L1CAM: variants seen among roughly 807,000 people sequenced by gnomAD.
L1CAM encodes the protein neural cell adhesion molecule L1.
Under a neutral mutation model 93.0 loss-of-function variants are expected in L1CAM, and 8 were observed. That is an observed-to-expected ratio of 0.09 (90% CI 0.05 to 0.16). L1CAM has a LOEUF of 0.16. Among genes scored for constraint, L1CAM ranks in the 10% least tolerant of loss-of-function variants. The probability of loss-of-function intolerance (pLI) is 1.00; values close to 1 mark genes in which losing one functional copy is unlikely to be tolerated. For synonymous variants in L1CAM, 453 were observed against 453.0 expected (o/e 1.00, Z 0.00); for missense variants, 777 against 1,073.4 (o/e 0.72, Z 3.86).
At chrX:153,864,277 C>T in intron 25 of L1CAM, 45 bp downstream of exon 25, 1 of 1,190,562 alleles carries the variant, frequency 8.4e-7, no homozygotes, top group Non-Finnish European at 1.1e-6. Flanking sequence ...ATTGTGCAGC[C>T]CCCATGCTTC....
At position 153,876,872 on chromosome X, in the gene L1CAM, G is replaced by A. The variant is rs144291433; in HGVS notation, c.-108-928C>T. ...AAAAAAATTAGCCTTGGTGGTGGGC[G>A]CCTGTAATGCCAGCTACTTGGGAGG... On this transcript the variant is annotated intron_variant, in intron 1 of 28. Transcript: ENST00000370060. 9.9e-5 allele frequency among the ~76,000 whole-genome samples: 11 copies of A among 110,887 alleles called. No individual in the cohort carries two copies. The East Asian group carries it at 2.6e-3, about 26-fold the overall frequency.
At chrX:153,885,760 GC>G in intron 1 of L1CAM, 1 of 748,065 alleles carries the variant, frequency 1.3e-6, no homozygotes, top group Non-Finnish European at 1.7e-6. Context: ...GCCCCCGCCT[GC>G]CCACACAGAC....
chrX:153,862,403 T>G lies in L1CAM; in HGVS notation c.*260A>C. On this transcript the variant is annotated 3_prime_UTR_variant, in exon 29 of 29. Transcript: ENST00000370060. Reference sequence around the variant, plus strand: ...ACTTCTTCTCCCCCAAACCACAGCCTCTCTGCCCAAATGGGCTGGCAAAAC... The same window carrying G: ...ACTTCTTCTCCCCCAAACCACAGCCGCTCTGCCCAAATGGGCTGGCAAAAC... 1 of 357,326 alleles carries G rather than the reference T, an allele frequency of 2.8e-6. No homozygotes were observed. 29.4% of individuals were successfully genotyped at this position (357,326 alleles called of 1,213,427 possible).
chrX:153,872,461 G>C, intron 4 of L1CAM, 107 bp from the exon 5 acceptor site: 1 of 952,045 alleles, frequency 1.1e-6, no homozygotes, highest in Non-Finnish European at 1.5e-6. Flanking sequence ...GGGATGGACT[G>C]GGAGATGGCG....
In L1CAM at chrX:153,885,620, A is replaced by G. The variant is rs782538671; in HGVS notation, c.-109+445T>C. Reference sequence around the variant, plus strand: ...TCAGCCGGGATTTTCAACCAAACTGAGCTCTCGGCTGGGGATGAGGGGCAG... The same window carrying G: ...TCAGCCGGGATTTTCAACCAAACTGGGCTCTCGGCTGGGGATGAGGGGCAG... On this transcript the variant is annotated intron_variant, in intron 1 of 28. Transcript: ENST00000370060. Among the ~76,000 whole-genome samples, 269 of 111,061 alleles carry G rather than the reference A, an allele frequency of 2.4e-3. 1 individual carries two copies. Among genetic ancestry groups the G allele is most frequent in the African/African-American group, 8.4e-3 (257 of 30,554 alleles).
At chrX:153,871,024 G>A (rs782464042) in intron 6 of L1CAM, 33 bp downstream of exon 6, 12 of 1,208,841 alleles carry the variant, frequency 9.9e-6, no homozygotes, top group South Asian at 5.3e-5. Context: ...CTAACACCCC[G>A]ACCCCACGAG....
In L1CAM at chrX:153,871,186, G is replaced by C. The variant is rs1424993007; in HGVS notation, c.401-7C>G. Reference sequence around the variant, plus strand: ...TTTGGCCACTTGGGGGCACCTAGAAGGGACAGACGGGCTGACACTCTCCTC... The same window carrying C: ...TTTGGCCACTTGGGGGCACCTAGAACGGACAGACGGGCTGACACTCTCCTC... On this transcript the variant is annotated splice_polypyrimidine_tract_variant and splice_region_variant and intron_variant, in intron 5 of 28. Coordinates refer to ENST00000370060, the MANE Select transcript of L1CAM (RefSeq NM_001278116.2). The C allele has an allele frequency of 4.1e-6, 5 of 1,205,626 alleles. No individual in the cohort carries two copies. Among genetic ancestry groups the C allele is most frequent in the African/African-American group, 1.8e-5 (1 of 56,340 alleles).
chrX:153,876,084 C>T (rs1259488194), intron 1 of L1CAM, 140 bp from the exon 2 acceptor site: 3 of 445,911 alleles, frequency 6.7e-6, no homozygotes, highest in Non-Finnish European at 1.2e-5. Flanking sequence ...CTTCTCCAGC[C>T]CTCCCCTCCC....
In L1CAM at chrX:153,865,280, C is replaced by A; in HGVS notation, c.2749+19G>T. 3 of 1,209,540 alleles carry A rather than the reference C, an allele frequency of 2.5e-6. No homozygotes were observed. The highest frequency in any genetic ancestry group is 3.4e-6 in the Non-Finnish European group (3 of 894,799). The stretch of plus-strand genomic sequence containing the variant: ...CTGGGGAGGAGGGCAGGGGATGAGG[C>A]GTGGGGTGCAGGACTCACCTCCCTC... On this transcript the variant is annotated intron_variant, in intron 21 of 28. Coordinates refer to ENST00000370060, the MANE Select transcript of L1CAM (RefSeq NM_001278116.2).
At chrX:153,884,384 CT>C in intron 1 of L1CAM, 1 of 461,248 alleles carries the variant, frequency 2.2e-6, no homozygotes, top group Non-Finnish European at 3.2e-6. Context: ...GGGGAGGAGC[CT>C]TTTAGGAGCG....
At chrX:153,877,726 C>T (rs1557094977) in intron 1 of L1CAM, among the ~76,000 whole-genome samples, 1 of 112,435 alleles carries the variant, frequency 8.9e-6, no homozygotes, top group Non-Finnish European at 1.9e-5. Context: ...GCTCCTCAGC[C>T]CCCTGGGGGT....
In L1CAM at chrX:153,862,855, C is replaced by A; in HGVS notation, c.3582G>T (p.Ser1194=). 10 of 1,212,072 alleles carry A rather than the reference C, an allele frequency of 8.3e-6. No homozygotes were observed. The highest frequency in any genetic ancestry group is 8.9e-6 in the Non-Finnish European group (8 of 895,421). The change falls in exon 29 of 29, where the codon TCG becomes TCT. Residue 1194 remains serine (S), a synonymous_variant. Transcript: ENST00000370060. ...EEKAFGSSQP[S]LNGDIKPLGS... is the part of the protein sequence containing the mutation. The stretch of plus-strand genomic sequence containing the variant: ...CCAGGGGCTTGATGTCCCCGTTGAG[C>A]GATGGCTGGCTGCTGCCAAAGGCCT...
chrX:153,879,621 G>A (rs1298820338), intron 1 of L1CAM, among the ~76,000 whole-genome samples: 3 of 112,289 alleles, frequency 2.7e-5, no homozygotes, highest in South Asian at 3.7e-4. Context: ...AGCTGGGGCC[G>A]GAGGGGCCTA....
Position 153,862,505 on chromosome X carries a change from G to T in L1CAM, c.*158C>A. ...CAGCGTGTGCCCAGGAAGGGGTGCAGCTGGGTTTTGGCAATAAAGTGGGGA... is the reference window on the plus strand; with the variant it reads ...CAGCGTGTGCCCAGGAAGGGGTGCATCTGGGTTTTGGCAATAAAGTGGGGA... On this transcript the variant is annotated 3_prime_UTR_variant, in exon 29 of 29. Transcript: ENST00000370060. The T allele has an allele frequency of 2.2e-6, 1 of 448,464 alleles. No homozygotes were observed. The highest frequency in any genetic ancestry group is 4.0e-5 in the Admixed American group (1 of 25,211). 37.0% of individuals were successfully genotyped at this position (448,464 alleles called of 1,213,427 possible).
intron 9 of L1CAM, 43 bp from the exon 10 acceptor site, chrX:153,869,977 C>T (rs201741850): frequency 3.0e-5 from 36 of 1,208,479 alleles, no homozygotes; most frequent in Non-Finnish European, 4.0e-5. Context: ...CAGCCAGCAG[C>T]TGGCTCTTGA....
rs782343394 is a variant in L1CAM, at chrX:153,870,610, C to T, written c.695-111G>A. The T allele has an allele frequency of 3.7e-5, 29 of 792,123 alleles. No homozygotes were observed. The African/African-American group carries it at 5.8e-4, about 16-fold the overall frequency. The allele number at this position is 792,123 out of a possible 1,213,427, so 65.3% of individuals were successfully genotyped here. On this transcript the variant is annotated intron_variant, in intron 7 of 28. Coordinates refer to ENST00000370060, the MANE Select transcript of L1CAM (RefSeq NM_001278116.2). The stretch of plus-strand genomic sequence containing the variant: ...GCCCCCGGGGCCTCTGTGTCTTCCT[C>T]CATTAAGGAGAGTGTCCTGTCTCTG...
intron 1 of L1CAM, 107 bp from the exon 2 acceptor site, chrX:153,876,051 C>T (rs1467034092): frequency 2.2e-6 from 1 of 456,545 alleles, no homozygotes; most frequent in East Asian, 3.7e-5. Context: ...GCCCCGCCCT[C>T]AGCCCCGCCC....
At chrX:153,872,091 A>G in intron 5 of L1CAM, 61 bp downstream of exon 5, 1 of 1,022,167 alleles carries the variant, frequency 9.8e-7, no homozygotes, top group Non-Finnish European at 1.4e-6. Flanking sequence ...AGCAGCTTCC[A>G]GCCCACAATC....
At chrX:153,882,827 C>G (rs2064852583) in intron 1 of L1CAM, among the ~76,000 whole-genome samples, 1 of 112,144 alleles carries the variant, frequency 8.9e-6, no homozygotes, top group Non-Finnish European at 1.9e-5. Flanking sequence ...GGCACTCCCT[C>G]TGCAGCTTTC....
Sources: allele counts gnomAD v4.1 joint callset (sites outside exome capture counted in the v4.1 genomes callset), GRCh38; gene constraint gnomAD v4.1.1; transcripts MANE v1.5; gene names NCBI Gene and HGNC (gene_info 2026-07-23, HGNC 2026-07-21).